COLGALT1: variants seen among roughly 807,000 people sequenced by gnomAD.
COLGALT1 encodes the protein procollagen galactosyltransferase 1.
COLGALT1 carries 43 observed loss-of-function variants against 60.8 expected under a neutral mutation model. That is an observed-to-expected ratio of 0.71 (90% confidence interval 0.55 to 0.91). The LOEUF (loss-of-function observed/expected upper bound fraction) is 0.91, where lower values mean the gene tolerates loss of function less well. COLGALT1 is among the 40% of genes least tolerant of loss of function. COLGALT1 has a pLI of 0.00. For synonymous variants in COLGALT1, 369 were observed against 374.2 expected, an observed-to-expected ratio of 0.99 and a Z score of 0.16; for missense variants, 845 against 880.0, an observed-to-expected ratio of 0.96 and a Z score of 0.50.
chr19:17,579,568 C>T lies in COLGALT1; in HGVS notation c.1353C>T (p.Leu451=). The T allele has an allele frequency of 1.9e-6, 3 of 1,612,480 alleles. No homozygotes were observed. The highest frequency in any genetic ancestry group is 2.7e-5 in the African/African-American group (2 of 74,710). The change falls in exon 10 of 12, where the codon CTC becomes CTT. Residue 451 remains leucine (L), a synonymous_variant. Coordinates refer to ENST00000252599, the MANE Select transcript of COLGALT1 (RefSeq NM_024656.4). ...EIFFKRRLMN[L]MRDVEREGLD... ...TCTTCAAGAGACGTCTGATGAACCTCATGCGGGATGTGGAGCGGGAGGGCC... is the reference window on the plus strand; with the variant it reads ...TCTTCAAGAGACGTCTGATGAACCTTATGCGGGATGTGGAGCGGGAGGGCC...
Position 17,580,734 on chromosome 19 carries a change from C to T in COLGALT1, c.1430C>T (p.Pro477Leu), listed in dbSNP as rs763410653. The T allele has an allele frequency of 4.3e-6, 7 of 1,613,944 alleles. No homozygotes were observed. Among genetic ancestry groups the T allele is most frequent in the Non-Finnish European group, 5.9e-6 (7 of 1,180,016 alleles). Residue 477 changes from proline (P) to leucine (L), a missense_variant, in exon 11 of 12, where the codon CCC becomes CTC. Pro to Leu is a moderately conservative substitution (Grantham distance 98, BLOSUM62 -3). Transcript: ENST00000252599. ...VGRKRMQVEH[P>L]EKAVPRVRNL... is the part of the protein sequence containing the mutation. Reference sequence around the variant, plus strand: ...CGGAAGCGGATGCAGGTGGAGCACCCCGAGAAGGCTGTGCCTCGCGTGAGG... The same window carrying T: ...CGGAAGCGGATGCAGGTGGAGCACCTCGAGAAGGCTGTGCCTCGCGTGAGG...
In COLGALT1 at chr19:17,555,776, G is replaced by A. The variant is rs1244801549; in HGVS notation, c.63G>A (p.Leu21=). 3.2e-6 allele frequency: 4 copies of A among 1,237,798 alleles called. No individual in the cohort carries two copies. In the Admixed American group the frequency reaches 1.7e-4, roughly 53 times the overall value. 76.7% of individuals were successfully genotyped at this position (1,237,798 alleles called of 1,614,324 possible). ...AGCCGCTCCTGGCGCTGCTGCTTCT[G>A]CTGCTGGCGCCACTGCCGCCGGGGG... ...RGQPLLALLL[L]LLAPLPPGAP... Residue 21 remains leucine (L), a synonymous_variant, in exon 1 of 12, where the codon CTG becomes CTA. Transcript: ENST00000252599.
intron 3 of COLGALT1, among the ~76,000 whole-genome samples, chr19:17,565,224 C>T (rs369892674): frequency 2.0e-4 from 30 of 152,176 alleles, no homozygotes; most frequent in Middle Eastern, 6.8e-3. Context: ...GGCACGATCT[C>T]GGCTCACTGC....
intron 3 of COLGALT1, among the ~76,000 whole-genome samples, chr19:17,564,234 C>T (rs2076266584): frequency 6.6e-6 from 1 of 151,414 alleles, no homozygotes; most frequent in East Asian, 1.9e-4. Context: ...GGTGACAGAG[C>T]GAGACCCTTT....
intron 3 of COLGALT1, among the ~76,000 whole-genome samples, chr19:17,564,065 C>T (rs1051298112): frequency 1.5e-5 from 2 of 137,282 alleles, no homozygotes; most frequent in Non-Finnish European, 3.3e-5. Context: ...GTGAGACCCC[C>T]CCCATCTCTA....
Position 17,567,429 on chromosome 19 carries a change from C to G in COLGALT1, c.513C>G (p.Ile171Met). The G allele has an allele frequency of 6.2e-7, 1 of 1,613,902 alleles. No individual in the cohort carries two copies. The highest frequency in any genetic ancestry group is 8.5e-7 in the Non-Finnish European group (1 of 1,179,848). The change falls in exon 4 of 12, where the codon ATC (isoleucine) becomes ATG (methionine). Residue 171 changes from isoleucine (I) to methionine (M), a missense_variant. By Grantham distance (10) the Ile-to-Met change is conservative. Coordinates refer to ENST00000252599, the MANE Select transcript of COLGALT1 (RefSeq NM_024656.4). ...AGTTTGTAGATGCGGACAACCTGAT[C>G]CTCAACCCTGACACACTGAGCCTGC... is the stretch of plus-strand genomic sequence containing the variant. ...YILFVDADNLILNPDTLSLLI... is the reference protein window; with the variant it reads ...YILFVDADNLMLNPDTLSLLI...
Position 17,580,751 on chromosome 19 carries a change from C to G in COLGALT1, c.1447C>G (p.Arg483Gly). Residue 483 changes from arginine to glycine, a missense_variant, in exon 11 of 12, where the codon CGC (arginine) becomes GGC (glycine). Coordinates refer to ENST00000252599, the MANE Select transcript of COLGALT1 (RefSeq NM_024656.4). The stretch of plus-strand genomic sequence containing the variant: ...GGAGCACCCCGAGAAGGCTGTGCCT[C>G]GCGTGAGGAACCTGGTGGAGGCCGA... ...QVEHPEKAVP[R>G]VRNLVEADYS... 1 of 1,614,052 alleles carries G rather than the reference C, an allele frequency of 6.2e-7. No individual in the cohort carries two copies. Among genetic ancestry groups the G allele is most frequent in the Non-Finnish European group, 8.5e-7 (1 of 1,180,012 alleles).
At chr19:17,569,454 T>G (rs1363554708) in intron 5 of COLGALT1, among the ~76,000 whole-genome samples, 1 of 152,004 alleles carries the variant, frequency 6.6e-6, no homozygotes, top group Non-Finnish European at 1.5e-5. Context: ...TTTTTTTTTT[T>G]TGAAGTAGAG....
chr19:17,556,253 C>T (rs2076210577), intron 1 of COLGALT1, among the ~76,000 whole-genome samples: 1 of 152,240 alleles, frequency 6.6e-6, no homozygotes, highest in African/African-American at 2.4e-5. Flanking sequence ...CTGCTGGCTC[C>T]TTTGGGGTGG....
chr19:17,567,224 T>G (rs2076284492), intron 3 of COLGALT1, among the ~76,000 whole-genome samples, 182 bp from the exon 4 acceptor site: 2 of 152,270 alleles, frequency 1.3e-5, no homozygotes, highest in Non-Finnish European at 2.9e-5. Context: ...CTTTGCTTTA[T>G]TTCCATGATC....
intron 9 of COLGALT1, among the ~76,000 whole-genome samples, chr19:17,579,039 G>A (rs1270385544): frequency 6.6e-6 from 1 of 151,862 alleles, no homozygotes; most frequent in Admixed American, 6.6e-5. Flanking sequence ...TCCGGGCGTA[G>A]TGGCACATGC....
chr19:17,581,516 C>T lies in COLGALT1; in HGVS notation c.*72C>T. 1 of 1,524,996 alleles carries T rather than the reference C, an allele frequency of 6.6e-7. No homozygotes were observed. The highest frequency in any genetic ancestry group is 8.8e-7 in the Non-Finnish European group (1 of 1,141,756). 94.5% of individuals were successfully genotyped at this position (1,524,996 alleles called of 1,614,324 possible). A position where few individuals can be genotyped will look rare whatever the true frequency, so the allele number is the denominator to read the frequency against. ...CACGTGCTTACTGAGGACATCAGGT[C>T]CACCTCTGGACCCCTTGGCAGGCCA... On this transcript the variant is annotated 3_prime_UTR_variant, in exon 12 of 12. Coordinates refer to ENST00000252599, the MANE Select transcript of COLGALT1 (RefSeq NM_024656.4).
chr19:17,569,194 A>C (rs914076203), intron 5 of COLGALT1, among the ~76,000 whole-genome samples: 1 of 152,180 alleles, frequency 6.6e-6, no homozygotes, highest in Non-Finnish European at 1.5e-5. Flanking sequence ...CCTGGGCAAC[A>C]AAGTAAGAAT....
chr19:17,579,468 G>A lies in COLGALT1; in HGVS notation c.1267-14G>A. ...CTTGGCCTCCCTGTGATGTGGCGGG[G>A]CTTCCTCCCTCAGGTGGTGGACCGG... On this transcript the variant is annotated splice_polypyrimidine_tract_variant and intron_variant, in intron 9 of 11. Coordinates refer to ENST00000252599, the MANE Select transcript of COLGALT1 (RefSeq NM_024656.4). 1 of 1,612,620 alleles carries A rather than the reference G, an allele frequency of 6.2e-7. No individual in the cohort carries two copies. Among genetic ancestry groups the A allele is most frequent in the South Asian group, 1.1e-5 (1 of 90,946 alleles).
chr19:17,577,207 C>T lies in COLGALT1; in HGVS notation c.962C>T (p.Pro321Leu). 1.2e-6 allele frequency: 2 copies of T among 1,613,124 alleles called. No homozygotes were observed. The highest frequency in any genetic ancestry group is 1.7e-6 in the Non-Finnish European group (2 of 1,179,614). Residue 321 changes from proline (P) to leucine (L), a missense_variant, in exon 7 of 12, where the codon CCC becomes CTC. Physicochemically the swap from Pro to Leu is moderately conservative, Grantham distance 98. Coordinates refer to ENST00000252599, the MANE Select transcript of COLGALT1 (RefSeq NM_024656.4). The stretch of plus-strand genomic sequence containing the variant: ...CTGTGCCCCACAGTGAAGCACCCGC[C>T]CGCAGAGCCCTCCCGCTTCATCTCG... ...VQLEVMVKHP[P>L]AEPSRFISAP...
At chr19:17,563,534 AG>A in intron 3 of COLGALT1, among the ~76,000 whole-genome samples, 1 of 152,228 alleles carries the variant, frequency 6.6e-6, no homozygotes, top group Admixed American at 6.5e-5. Context: ...TATTTTTAGT[AG>A]AGACAGGGTT....
intron 3 of COLGALT1, among the ~76,000 whole-genome samples, chr19:17,564,985 G>T (rs980209622): frequency 4.6e-5 from 7 of 151,938 alleles, no homozygotes; most frequent in Non-Finnish European, 7.4e-5. Flanking sequence ...ATGGCGTTTC[G>T]TGTCTGGTTT....
At chr19:17,573,771 G>GT (rs907643181) in intron 6 of COLGALT1, among the ~76,000 whole-genome samples, 22 of 152,102 alleles carry the variant, frequency 1.4e-4, no homozygotes, top group African/African-American at 5.1e-4. Context: ...GAACCCAGTA[G>GT]TTTGAGAATA....
chr19:17,568,512 T>C lies in COLGALT1; in HGVS notation c.628T>C (p.Tyr210His). ...AACTCTCGCTCTCTCCCCACAGGGC[T>C]ACTACAAGCGCACACCTGCCTACAT... ...NFWCGMTSQG[Y>H]YKRTPAYIPI... The change falls in exon 5 of 12, where the codon TAC becomes CAC. Residue 210 changes from tyrosine (Y) to histidine (H), a missense_variant. Coordinates refer to ENST00000252599, the MANE Select transcript of COLGALT1 (RefSeq NM_024656.4). 1 of 1,613,984 alleles carries C rather than the reference T, an allele frequency of 6.2e-7. No homozygotes were observed. Among genetic ancestry groups the C allele is most frequent in the Non-Finnish European group, 8.5e-7 (1 of 1,179,890 alleles).
Sources: gnomAD v4.1 joint callset for allele counts (sites outside exome capture counted in the v4.1 genomes callset) on GRCh38, gnomAD v4.1.1 for gene constraint, MANE v1.5 for transcripts, NCBI Gene and HGNC (gene_info 2026-07-23, HGNC 2026-07-21) for gene names.